Variants in PHACTR3 observed in about 807,000 individuals in gnomAD.
The protein encoded by PHACTR3 is phosphatase and actin regulator 3, also known as protein phosphatase 1, regulatory subunit 123.
PHACTR3 carries 16 observed loss-of-function variants against 66.8 expected under a neutral mutation model. The ratio of observed to expected loss-of-function variants is 0.24; its 90% CI spans 0.16 to 0.36. The LOEUF (loss-of-function observed/expected upper bound fraction) is 0.36, where lower values mean the gene tolerates loss of function less well. Ranked by LOEUF, PHACTR3 falls within the 10% of genes least tolerant of loss-of-function variation. The pLI, the probability that PHACTR3 is intolerant of heterozygous loss-of-function variation, is 1.00. For missense variants in PHACTR3, 647 were observed against 719.9 expected (o/e 0.90, Z 1.16); for synonymous variants, 323 against 292.1 (o/e 1.11, Z -1.08).
intron 1 of PHACTR3, among the ~76,000 whole-genome samples, chr20:59,735,623 C>A (rs1397239290): frequency 1.3e-5 from 2 of 152,136 alleles, no homozygotes; most frequent in African/African-American, 4.8e-5. Context: ...GAGGAACAGA[C>A]CCTGGCTCCA....
In PHACTR3 at chr20:59,732,554, C is replaced by A. The variant is rs1220807720; in HGVS notation, c.119-10553C>A. ...CTTTTCTTCTCTGTGCTTCTTAGCA[C>A]CTCCACTAACCAGTAAAGGAGAGAA... is the stretch of plus-strand genomic sequence containing the variant. On this transcript the variant is annotated intron_variant, in intron 1 of 12. Coordinates refer to ENST00000371015, the MANE Select transcript of PHACTR3 (RefSeq NM_080672.5). Among the ~76,000 whole-genome samples the A allele has an allele frequency of 2.0e-5, 3 of 152,136 alleles. No individual in the cohort carries two copies. The East Asian group carries it at 5.8e-4, about 29-fold the overall frequency.
chr20:59,753,671 G>T (rs1360811978), intron 3 of PHACTR3, among the ~76,000 whole-genome samples: 1 of 152,190 alleles, frequency 6.6e-6, no homozygotes, highest in Non-Finnish European at 1.5e-5. Context: ...TCACTATGTT[G>T]CCATGAAGCA....
chr20:59,606,818 T>C (rs2033687661), intron 1 of PHACTR3, among the ~76,000 whole-genome samples: 1 of 152,182 alleles, frequency 6.6e-6, no homozygotes, highest in Non-Finnish European at 1.5e-5. Flanking sequence ...GATTAAGTTA[T>C]GCGTGGGAGG....
At chr20:59,746,682 G>T (rs1412377639) in intron 2 of PHACTR3, among the ~76,000 whole-genome samples, 1 of 152,218 alleles carries the variant, frequency 6.6e-6, no homozygotes, top group Non-Finnish European at 1.5e-5. Context: ...GCTAAGCCAG[G>T]TGGGCTGACT....
chr20:59,626,171 G>T lies in PHACTR3; in HGVS notation c.118+21039G>T, dbSNP rs528967605. 4.6e-5 allele frequency among the ~76,000 whole-genome samples: 7 copies of T among 152,284 alleles called. No individual in the cohort carries two copies. The South Asian group carries it at 1.5e-3, about 32-fold the overall frequency. On this transcript the variant is annotated intron_variant, in intron 1 of 12. Transcript: ENST00000371015. The stretch of plus-strand genomic sequence containing the variant: ...TCAGCCATTCAACAAATATTTACTG[G>T]ACACCTGTTTTAAGCCTGTCACCGT...
intron 1 of PHACTR3, among the ~76,000 whole-genome samples, chr20:59,740,660 G>C (rs2039120129): frequency 1.3e-5 from 2 of 149,332 alleles, no homozygotes; most frequent in African/African-American, 2.5e-5. Flanking sequence ...TGATTATCAT[G>C]GCATCTTTTT....
chr20:59,821,602 A>G (rs1234440634), intron 8 of PHACTR3, among the ~76,000 whole-genome samples: 1 of 152,186 alleles, frequency 6.6e-6, no homozygotes, highest in Non-Finnish European at 1.5e-5. Context: ...GGGAGAAGGG[A>G]GATGGGGTAG....
chr20:59,622,808 A>G (rs566874790), intron 1 of PHACTR3, among the ~76,000 whole-genome samples: 1 of 151,658 alleles, frequency 6.6e-6, no homozygotes, highest in Non-Finnish European at 1.5e-5. Context: ...AGGACTGATG[A>G]TTCCTGGCAC....
chr20:59,627,138 G>A (rs1459924364), intron 1 of PHACTR3, among the ~76,000 whole-genome samples: 1 of 152,172 alleles, frequency 6.6e-6, no homozygotes, highest in African/African-American at 2.4e-5. Flanking sequence ...TGACGAAATG[G>A]GAGTAAACAT....
intron 1 of PHACTR3, among the ~76,000 whole-genome samples, chr20:59,581,532 G>A (rs1423709953): frequency 2.0e-5 from 3 of 152,166 alleles, no homozygotes; most frequent in Non-Finnish European, 4.4e-5. Flanking sequence ...CTTTGCTGAT[G>A]ACTAAGTTGA....
At chr20:59,601,235 C>T (rs2033470901), upstream of PHACTR3, among the ~76,000 whole-genome samples, 1 of 152,222 alleles carries the variant, frequency 6.6e-6, no homozygotes, top group African/African-American at 2.4e-5. Flanking sequence ...CCTTCTGCCA[C>T]TGGCTTCTTT....
rs186361193 is a variant in PHACTR3 at position 59,844,248 on chromosome 20, A to T, written c.1588-941A>T. ...AATTAATGCAGCCATTATGGAAAAC[A>T]GTATGGAGACTCCTCAAAATATTGT... is the stretch of plus-strand genomic sequence containing the variant. On this transcript the variant is annotated intron_variant, in intron 11 of 12. Transcript: ENST00000371015. 5.9e-5 allele frequency: 9 copies of T among 152,280 alleles called. No homozygotes were observed. In the South Asian group the frequency reaches 1.9e-3, roughly 32 times the overall value. The allele number at this position is 152,280 out of a possible 1,614,324, so 9.4% of individuals were successfully genotyped here.
At chr20:59,717,408 C>T (rs527811664) in intron 1 of PHACTR3, among the ~76,000 whole-genome samples, 21 of 152,346 alleles carry the variant, frequency 1.4e-4, no homozygotes, top group African/African-American at 3.8e-4. Context: ...GATACTGACA[C>T]GGATGAAATC....
chr20:59,788,455 C>T (rs967987879), intron 7 of PHACTR3, among the ~76,000 whole-genome samples: 2 of 152,118 alleles, frequency 1.3e-5, no homozygotes, highest in East Asian at 1.9e-4. Flanking sequence ...TAACCTCCAA[C>T]CCTGCTCTCT....
At chr20:59,600,301 A>T (rs899634045), upstream of PHACTR3, among the ~76,000 whole-genome samples, 1 of 152,244 alleles carries the variant, frequency 6.6e-6, no homozygotes, top group Non-Finnish European at 1.5e-5. Context: ...GATTCATATT[A>T]GTCAATCTTG....
intron 1 of PHACTR3, among the ~76,000 whole-genome samples, chr20:59,720,494 T>C (rs1281080214): frequency 6.6e-6 from 1 of 152,210 alleles, no homozygotes; most frequent in African/African-American, 2.4e-5. Context: ...ATGGTGCTGA[T>C]GGCACCTACT....
rs186024780 is a variant in PHACTR3, at chr20:59,608,498, C to T, written c.118+3366C>T. Among the ~76,000 whole-genome samples, 430 of 152,342 alleles carry T rather than the reference C, an allele frequency of 2.8e-3. 7 individuals are homozygous for T. The highest frequency in any genetic ancestry group is 0.014 in the Middle Eastern group (4 of 294). ...ACAAGGGGTTTTGCTTCCTTTTCTT[C>T]CATCTGCTCTCAGGCTCTGGGACTA... is the stretch of plus-strand genomic sequence containing the variant. On this transcript the variant is annotated intron_variant, in intron 1 of 12. Coordinates refer to ENST00000371015, the MANE Select transcript of PHACTR3 (RefSeq NM_080672.5).
chr20:59,766,221 G>A (rs1434049235), intron 4 of PHACTR3, among the ~76,000 whole-genome samples: 1 of 152,230 alleles, frequency 6.6e-6, no homozygotes, highest in African/African-American at 2.4e-5. Flanking sequence ...GAGCAGTCAT[G>A]CAGAGCACCT....
At chr20:59,684,029 A>C (rs2036764879) in intron 1 of PHACTR3, among the ~76,000 whole-genome samples, 2 of 152,160 alleles carry the variant, frequency 1.3e-5, no homozygotes, top group Non-Finnish European at 2.9e-5. Flanking sequence ...TCTAGAACAG[A>C]CTTGGGGGAT....
Sources: allele counts gnomAD v4.1 joint callset (sites outside exome capture counted in the v4.1 genomes callset), GRCh38; gene constraint gnomAD v4.1.1; transcripts MANE v1.5; gene names NCBI Gene and HGNC (gene_info 2026-07-23, HGNC 2026-07-21).